ZNF616: variants seen among roughly 807,000 people sequenced by gnomAD.
The protein encoded by ZNF616 is zinc finger protein 616.
In ZNF616, 5 loss-of-function variants were observed where a neutral mutation model predicts 7.6. The observed-to-expected ratio is 0.66, with a 90% CI of 0.34 to 1.38. The LOEUF is 1.38. ZNF616 is among the 40% of genes most tolerant of loss of function. The probability of loss-of-function intolerance (pLI) is 0.04; values close to 1 mark genes in which losing one functional copy is unlikely to be tolerated. For missense variants in ZNF616, 913 were observed against 948.3 expected, an observed-to-expected ratio of 0.96 and a Z score of 0.49; for synonymous variants, 319 against 317.2, an observed-to-expected ratio of 1.01 and a Z score of -0.06.
At chr19:52,138,259 AAT>A (rs1401702642) in intron 1 of ZNF616, among the ~76,000 whole-genome samples, 2 of 152,242 alleles carry the variant, frequency 1.3e-5, no homozygotes, top group African/African-American at 4.8e-5. Flanking sequence ...AGAGTTACAA[AAT>A]GACTGAATCA....
At position 52,116,429 on chromosome 19, in the gene ZNF616, T is replaced by A. The variant is rs1384442241; in HGVS notation, c.735A>T (p.Val245=). ...AATTTTTTCTGAAGATCTTGCCACA[T>A]ACATCACATTGATATGATTTCCCTC... The part of the protein sequence containing the change: ...HTRGKSYQCD[V]CGKIFRKNSY... Residue 245 remains valine, a synonymous_variant, in exon 4 of 4, where the codon GTA becomes GTT. Transcript: ENST00000600228. 1 of 1,614,146 alleles carries A rather than the reference T, an allele frequency of 6.2e-7. No individual in the cohort carries two copies. Among genetic ancestry groups the A allele is most frequent in the Non-Finnish European group, 8.5e-7 (1 of 1,180,016 alleles).
At chr19:52,131,965 A>G (rs2088964130) in intron 1 of ZNF616, among the ~76,000 whole-genome samples, 1 of 152,062 alleles carries the variant, frequency 6.6e-6, no homozygotes, top group Non-Finnish European at 1.5e-5. Context: ...GTGTGGCTGG[A>G]GCAGAGGGAG....
At position 52,124,020 on chromosome 19, in the gene ZNF616, T is replaced by C; in HGVS notation, c.42A>G (p.Ile14Met). 6.2e-7 allele frequency: 1 copy of C among 1,611,854 alleles called. No individual in the cohort carries two copies. Among genetic ancestry groups the C allele is most frequent in the Non-Finnish European group, 8.5e-7 (1 of 1,179,404 alleles). ...QGHLTFKDVAIEFSQEEWKCL... is the reference protein window; with the variant it reads ...QGHLTFKDVAMEFSQEEWKCL... Reference sequence around the variant, plus strand: ...ATTTCCACTCCTCCTGAGAGAATTCTATGGCTACATCCTTGAATGTCAAAT... The same window carrying C: ...ATTTCCACTCCTCCTGAGAGAATTCCATGGCTACATCCTTGAATGTCAAAT... The change falls in exon 3 of 4, where the codon ATA becomes ATG. Residue 14 changes from isoleucine to methionine, a missense_variant. Coordinates refer to ENST00000600228, the MANE Select transcript of ZNF616 (RefSeq NM_178523.5).
At chr19:52,132,509 A>T (rs1364648818) in intron 1 of ZNF616, among the ~76,000 whole-genome samples, 4 of 152,120 alleles carry the variant, frequency 2.6e-5, no homozygotes, top group Admixed American at 2.0e-4. Flanking sequence ...TGGATGGATC[A>T]TGGGGGTGGA....
intron 3 of ZNF616, among the ~76,000 whole-genome samples, chr19:52,120,987 A>G (rs550718186): frequency 1.3e-5 from 2 of 152,338 alleles, no homozygotes; most frequent in Admixed American, 6.5e-5. Flanking sequence ...CAAAAACAGC[A>G]CGAAAGAATT....
At chr19:52,127,443 C>A (rs982309284) in intron 2 of ZNF616, among the ~76,000 whole-genome samples, 1 of 152,164 alleles carries the variant, frequency 6.6e-6, no homozygotes, top group Non-Finnish European at 1.5e-5. Context: ...GTTTGCCAAT[C>A]TACTTGTGAA....
At chr19:52,126,973 C>T (rs1025543209) in intron 2 of ZNF616, among the ~76,000 whole-genome samples, 8 of 151,592 alleles carry the variant, frequency 5.3e-5, no homozygotes, top group East Asian at 1.9e-4. Context: ...CTGACAAACT[C>T]GATTCTTTTT....
intron 3 of ZNF616, among the ~76,000 whole-genome samples, chr19:52,120,703 T>C (rs1474021264): frequency 6.6e-6 from 1 of 152,178 alleles, no homozygotes; most frequent in Non-Finnish European, 1.5e-5. Context: ...ATGTCAAAAC[T>C]GGTACAAGAG....
intron 1 of ZNF616, among the ~76,000 whole-genome samples, chr19:52,137,457 A>C (rs1196583023): frequency 6.6e-6 from 1 of 152,092 alleles, no homozygotes; most frequent in African/African-American, 2.4e-5. Context: ...AAAATAAATA[A>C]AATCCTGCTA....
Position 52,123,888 on chromosome 19 carries a change from G to A in ZNF616, c.139+35C>T. 2.5e-6 allele frequency: 4 copies of A among 1,612,952 alleles called. No individual in the cohort carries two copies. The South Asian group carries it at 3.3e-5, about 13-fold the overall frequency. The stretch of plus-strand genomic sequence containing the variant: ...AGAGGAAATACAAAAATGCACAAGG[G>A]CGAATCTGAACTTCTAGAAGGAAAT... On this transcript the variant is annotated intron_variant, in intron 3 of 3. Coordinates refer to ENST00000600228, the MANE Select transcript of ZNF616 (RefSeq NM_178523.5).
chr19:52,136,145 G>T (rs965809142), intron 1 of ZNF616, among the ~76,000 whole-genome samples: 4 of 80,130 alleles, frequency 5.0e-5, no homozygotes, highest in East Asian at 6.8e-4. Flanking sequence ...AAAAAAAAGC[G>T]GGGGGGGGAC....
In ZNF616 at chr19:52,115,527, T is replaced by G; in HGVS notation, c.1637A>C (p.Glu546Ala). 1 of 1,614,054 alleles carries G rather than the reference T, an allele frequency of 6.2e-7. No individual in the cohort carries two copies. The highest frequency in any genetic ancestry group is 8.5e-7 in the Non-Finnish European group (1 of 1,180,004). ...FARHRRIHTG[E>A]KPYKCKECGK... ...ACATTCTTTGCATTTGTAAGGCTTC[T>G]CTCCAGTATGAATTCTCCGATGCCT... is the stretch of plus-strand genomic sequence containing the variant. The change falls in exon 4 of 4, where the codon GAG (glutamate) becomes GCG (alanine). Residue 546 changes from glutamate (E) to alanine (A), a missense_variant. Transcript: ENST00000600228.
At chr19:52,137,501 A>G (rs1240232934) in intron 1 of ZNF616, among the ~76,000 whole-genome samples, 1 of 152,202 alleles carries the variant, frequency 6.6e-6, no homozygotes, top group Non-Finnish European at 1.5e-5. Context: ...GGAGGACATT[A>G]TGCTGGGCGA....
rs1312882145 is a variant in ZNF616 at position 52,114,768 on chromosome 19, T to C, written c.*50A>G. On this transcript the variant is annotated 3_prime_UTR_variant, in exon 4 of 4. Transcript: ENST00000600228. The stretch of plus-strand genomic sequence containing the variant: ...CAAGAGAAGGGGTAAATATACAAGG[T>C]ATATCAGTAAGTAGGAATTATTCGG... 1 of 1,521,972 alleles carries C rather than the reference T, an allele frequency of 6.6e-7. No individual in the cohort carries two copies. The highest frequency in any genetic ancestry group is 1.3e-5 in the South Asian group (1 of 74,808). The allele number at this position is 1,521,972 out of a possible 1,614,324, so 94.3% of individuals were successfully genotyped here.
At position 52,116,017 on chromosome 19, in the gene ZNF616, ATTTGTATTGT is replaced by A; in HGVS notation, c.1137_1146del (p.Lys379AsnfsTer24). 6.2e-7 allele frequency: 1 copy of A among 1,614,220 alleles called. No homozygotes were observed. The highest frequency in any genetic ancestry group is 1.1e-5 in the South Asian group (1 of 91,082). ...CTGAAGACCTTGCCACATTCATTGC[ATTTGTATTGT>A]TTCTCTCCACTGTGGATTCTCCGGT... is the stretch of plus-strand genomic sequence containing the variant. On this transcript the variant is annotated frameshift_variant, in exon 4 of 4. Coordinates refer to ENST00000600228, the MANE Select transcript of ZNF616 (RefSeq NM_178523.5). LOFTEE classifies it low-confidence loss of function (END_TRUNC).
At chr19:52,127,429 A>AGG (rs2088919586) in intron 2 of ZNF616, among the ~76,000 whole-genome samples, 2 of 152,210 alleles carry the variant, frequency 1.3e-5, no homozygotes, top group African/African-American at 4.8e-5. Flanking sequence ...AAGAAAATGG[A>AGG]GGGGTTTGCC....
intron 1 of ZNF616, among the ~76,000 whole-genome samples, chr19:52,136,142 AGC>A (rs1491214544): frequency 1.5e-3 from 94 of 64,672 alleles, no homozygotes; most frequent in African/African-American, 5.7e-3. Context: ...AAAAAAAAAA[AGC>A]GGGGGGGGGA....
At chr19:52,130,352 A>G in intron 2 of ZNF616, 149 bp downstream of exon 2, 2 of 885,994 alleles carry the variant, frequency 2.3e-6, no homozygotes, top group Non-Finnish European at 3.9e-6. Context: ...GAACTGAGGA[A>G]AAGCATGGAT....
rs2088822857 is a variant in ZNF616 at position 52,116,294 on chromosome 19, A to T, written c.870T>A (p.Ile290=). ...KSSHLAVHQR[I]HTGEKPYKCN... Reference sequence around the variant, plus strand: ...ATTTGTAAGGTTTTTCACCGGTATGAATTCTCTGATGAACTGCAAGGTGGG... The same window carrying T: ...ATTTGTAAGGTTTTTCACCGGTATGTATTCTCTGATGAACTGCAAGGTGGG... Residue 290 remains isoleucine (I), a synonymous_variant, in exon 4 of 4, where the codon ATT becomes ATA. Coordinates refer to ENST00000600228, the MANE Select transcript of ZNF616 (RefSeq NM_178523.5). 6.2e-7 allele frequency: 1 copy of T among 1,614,132 alleles called. No individual in the cohort carries two copies. The highest frequency in any genetic ancestry group is 2.2e-5 in the East Asian group (1 of 44,876).
Sources: gnomAD v4.1 joint callset for allele counts (sites outside exome capture counted in the v4.1 genomes callset) on GRCh38, gnomAD v4.1.1 for gene constraint, MANE v1.5 for transcripts, NCBI Gene and HGNC (gene_info 2026-07-23, HGNC 2026-07-21) for gene names.